SPTSSA: variants seen among roughly 807,000 people sequenced by gnomAD.
SPTSSA encodes serine palmitoyltransferase small subunit A, also known as small subunit of serine palmitoyltransferase A.
A neutral mutation model predicts 9.1 loss-of-function variants in SPTSSA; 8 were observed. The ratio of observed to expected loss-of-function variants is 0.88; its 90% CI spans 0.51 to 1.58. SPTSSA has a LOEUF of 1.58. Among genes scored for constraint, SPTSSA ranks in the 40% most tolerant of loss-of-function variants. SPTSSA has a pLI of 0.00. For missense variants in SPTSSA, 100 were observed against 93.8 expected, an observed-to-expected ratio of 1.07 and a Z score of -0.27; for synonymous variants, 42 against 37.7, an observed-to-expected ratio of 1.11 and a Z score of -0.41.
intron 1 of SPTSSA, among the ~76,000 whole-genome samples, chr14:34,460,037 A>G (rs1227939245): frequency 6.6e-6 from 1 of 152,208 alleles, no homozygotes; most frequent in Non-Finnish European, 1.5e-5. Context: ...ACTACTTCAG[A>G]GTAAGCCTCC....
intron 1 of SPTSSA, among the ~76,000 whole-genome samples, chr14:34,459,144 A>T (rs564739022): frequency 6.6e-6 from 1 of 152,250 alleles, no homozygotes; most frequent in South Asian, 2.1e-4. Flanking sequence ...TTAAGAAATT[A>T]ATCTGGGCCA....
intron 1 of SPTSSA, among the ~76,000 whole-genome samples, chr14:34,461,777 T>C (rs1405771777): frequency 6.6e-6 from 1 of 152,174 alleles, no homozygotes; most frequent in Non-Finnish European, 1.5e-5. Context: ...CAAAGGCAGT[T>C]GCGGCCGAAG....
Position 34,433,958 on chromosome 14 carries a change from G to C in SPTSSA, c.*1243C>G, listed in dbSNP as rs1324147856. 7.0e-6 allele frequency: 1 copy of C among 143,230 alleles called. No individual in the cohort carries two copies. Among genetic ancestry groups the C allele is most frequent in the Non-Finnish European group, 1.5e-5 (1 of 67,088 alleles). 8.9% of individuals were successfully genotyped at this position (143,230 alleles called of 1,614,324 possible). A position where few individuals can be genotyped will look rare whatever the true frequency, so the allele number is the denominator to read the frequency against. ...ATCCTGGGCGACAGGGCAAGACTCC[G>C]TCTCAAAAAAAAAAAAACAAAAAAA... On this transcript the variant is annotated 3_prime_UTR_variant, in exon 2 of 2. Coordinates refer to ENST00000298130, the MANE Select transcript of SPTSSA (RefSeq NM_138288.4).
chr14:34,436,901 C>A (rs1883249884), intron 1 of SPTSSA, among the ~76,000 whole-genome samples: 1 of 151,448 alleles, frequency 6.6e-6, no homozygotes, highest in Non-Finnish European at 1.5e-5. Context: ...TCCAGTTATT[C>A]CTTAAACTGC....
In SPTSSA at chr14:34,433,084, TCAGA is replaced by T. The variant is rs1883183935; in HGVS notation, c.*2113_*2116del. On this transcript the variant is annotated 3_prime_UTR_variant, in exon 2 of 2. Coordinates refer to ENST00000298130, the MANE Select transcript of SPTSSA (RefSeq NM_138288.4). ...CTAACAAATAGACCAGACATTTGCA[TCAGA>T]CAGTGAGCATAAACTTCTCTGATCA... 6.6e-6 allele frequency: 1 copy of T among 152,202 alleles called. No individual in the cohort carries two copies. The highest frequency in any genetic ancestry group is 2.4e-5 in the African/African-American group (1 of 41,454). 9.4% of individuals were successfully genotyped at this position (152,202 alleles called of 1,614,324 possible).
intron 1 of SPTSSA, among the ~76,000 whole-genome samples, chr14:34,457,598 T>C (rs1302667827): frequency 6.6e-6 from 1 of 152,226 alleles, no homozygotes; most frequent in African/African-American, 2.4e-5. Flanking sequence ...GATAGAAACA[T>C]GTCTGCACAT....
intron 1 of SPTSSA, among the ~76,000 whole-genome samples, chr14:34,457,487 C>G (rs1262523075): frequency 6.6e-6 from 1 of 152,108 alleles, no homozygotes; most frequent in Non-Finnish European, 1.5e-5. Context: ...TGGTAGGTCT[C>G]CTTTTGTAGT....
intron 1 of SPTSSA, among the ~76,000 whole-genome samples, chr14:34,461,242 A>T (rs1439160096): frequency 6.6e-6 from 1 of 152,188 alleles, no homozygotes; most frequent in African/African-American, 2.4e-5. Context: ...TCATCAAAGG[A>T]TGTCAATATG....
intron 1 of SPTSSA, among the ~76,000 whole-genome samples, chr14:34,459,395 G>T (rs995979245): frequency 6.3e-5 from 5 of 79,160 alleles, no homozygotes; most frequent in African/African-American, 1.2e-4. Flanking sequence ...GGGATGCAAA[G>T]TTGCAGTGAG....
chr14:34,448,548 T>C (rs751332961), intron 1 of SPTSSA, among the ~76,000 whole-genome samples: 10 of 152,078 alleles, frequency 6.6e-5, no homozygotes, highest in Non-Finnish European at 1.3e-4. Flanking sequence ...CTTTACTTCA[T>C]CCTCTCCATT....
In SPTSSA at chr14:34,435,267, G is replaced by A. The variant is rs1566420521; in HGVS notation, c.150C>T (p.Tyr50=). Residue 50 remains tyrosine, a synonymous_variant, in exon 2 of 2, where the codon TAC becomes TAT. Transcript: ENST00000298130. ...GCTGGGGCATGAAGACGTATCCTGTGTATAGTGCCATCCCCACAATGGAAA... is the reference window on the plus strand; with the variant it reads ...GCTGGGGCATGAAGACGTATCCTGTATATAGTGCCATCCCCACAATGGAAA... The part of the protein sequence containing the change: ...MLVSIVGMAL[Y]TGYVFMPQHI... 6.2e-7 allele frequency: 1 copy of A among 1,613,598 alleles called. No homozygotes were observed. Among genetic ancestry groups the A allele is most frequent in the African/African-American group, 1.3e-5 (1 of 75,028 alleles).
chr14:34,447,050 C>T (rs562517203), intron 1 of SPTSSA, among the ~76,000 whole-genome samples: 2 of 151,754 alleles, frequency 1.3e-5, no homozygotes, highest in Non-Finnish European at 2.9e-5. Flanking sequence ...ATAGTGAAAC[C>T]GCGTCTCTAC....
intron 1 of SPTSSA, among the ~76,000 whole-genome samples, chr14:34,451,021 ATTTTTT>A (rs770553832): frequency 3.5e-5 from 5 of 142,556 alleles, no homozygotes; most frequent in Non-Finnish European, 7.7e-5. Context: ...AGAAATAAAG[ATTTTTT>A]TTTTTTTTGG....
At chr14:34,462,041 C>CCCCGCGG (rs1160988214) in intron 1 of SPTSSA, 55 bp downstream of exon 1, 3 of 1,204,170 alleles carry the variant, frequency 2.5e-6, no homozygotes, top group African/African-American at 1.6e-5. Context: ...GGAAATGCGG[C>CCCCGCGG]CCCGCGGCCC....
chr14:34,432,806 A>G lies in SPTSSA; in HGVS notation c.*2395T>C, dbSNP rs1039413231. The stretch of plus-strand genomic sequence containing the variant: ...CATTAGCTTTTTTCAGCAATAAATA[A>G]TTCTTTAATTAAGATAGGTATATTG... On this transcript the variant is annotated 3_prime_UTR_variant, in exon 2 of 2. Coordinates refer to ENST00000298130, the MANE Select transcript of SPTSSA (RefSeq NM_138288.4). 6.6e-6 allele frequency: 1 copy of G among 151,994 alleles called. No individual in the cohort carries two copies. The highest frequency in any genetic ancestry group is 1.5e-5 in the Non-Finnish European group (1 of 67,988). 9.4% of individuals were successfully genotyped at this position (151,994 alleles called of 1,614,324 possible). A position where few individuals can be genotyped will look rare whatever the true frequency, so the allele number is the denominator to read the frequency against.
intron 1 of SPTSSA, among the ~76,000 whole-genome samples, chr14:34,457,986 A>C (rs1420509182): frequency 6.8e-6 from 1 of 147,330 alleles, no homozygotes; most frequent in South Asian, 2.1e-4. Flanking sequence ...AAAAAAAAAA[A>C]AAAACAAAGA....
At chr14:34,437,757 T>G (rs758728787) in intron 1 of SPTSSA, among the ~76,000 whole-genome samples, 5 of 152,180 alleles carry the variant, frequency 3.3e-5, no homozygotes, top group Non-Finnish European at 7.3e-5. Flanking sequence ...CAAAAAACCC[T>G]GAATCCCACC....
rs182680326 is a variant in SPTSSA at position 34,460,499 on chromosome 14, C to T, written c.112+1597G>A. On this transcript the variant is annotated intron_variant, in intron 1 of 1. Transcript: ENST00000298130. ...CACCTAGTTATTTATAGGACACTATCACTATTGCAACATAACAGAAAAATC... is the reference window on the plus strand; with the variant it reads ...CACCTAGTTATTTATAGGACACTATTACTATTGCAACATAACAGAAAAATC... Among the ~76,000 whole-genome samples the T allele has an allele frequency of 1.6e-3, 244 of 152,238 alleles. 1 individual carries two copies. Among genetic ancestry groups the T allele is most frequent in the Non-Finnish European group, 8.2e-4 (56 of 68,006 alleles).
chr14:34,461,969 G>A, intron 1 of SPTSSA, 127 bp downstream of exon 1: 3 of 430,828 alleles, frequency 7.0e-6, no homozygotes, highest in Non-Finnish European at 9.0e-6. Context: ...TGCACCCCCG[G>A]CTTCCGCGCA....
Sources: allele counts gnomAD v4.1 joint callset (sites outside exome capture counted in the v4.1 genomes callset), GRCh38; gene constraint gnomAD v4.1.1; transcripts MANE v1.5; gene names NCBI Gene and HGNC (gene_info 2026-07-23, HGNC 2026-07-21).